Variants in OR9Q1 observed in about 807,000 individuals in gnomAD.
OR9Q1 encodes the protein olfactory receptor family 9 subfamily Q member 1, also known as olfactory receptor 9Q1.
For synonymous variants in OR9Q1, 153 were observed against 148.6 expected (o/e 1.03, Z -0.22); for missense variants, 374 against 378.8 (o/e 0.99, Z 0.11).
chr11:58,118,750 C>T (rs375164622), intron 2 of OR9Q1: 6 of 1,614,042 alleles, frequency 3.7e-6, no homozygotes, highest in Non-Finnish European at 5.1e-6. Context: ...GGCCCTGCCA[C>T]CTGAAGACTT....
intron 2 of OR9Q1, among the ~76,000 whole-genome samples, chr11:58,152,204 G>A (rs186588960): frequency 5.6e-4 from 85 of 152,292 alleles, no homozygotes; most frequent in African/African-American, 2.0e-3. Flanking sequence ...TCAGGGATAG[G>A]TGGGATGAGA....
chr11:58,107,830 A>G (rs1853857273), intron 2 of OR9Q1, among the ~76,000 whole-genome samples: 1 of 152,226 alleles, frequency 6.6e-6, no homozygotes, highest in Non-Finnish European at 1.5e-5. Context: ...GTATTAAATG[A>G]AGCATTATGA....
At chr11:58,073,292 T>C in intron 2 of OR9Q1, 1 of 189,626 alleles carries the variant, frequency 5.3e-6, no homozygotes, top group South Asian at 1.3e-4. Context: ...ATAAATATTA[T>C]GCGAATTCTT....
chr11:58,180,282 G>A lies in OR9Q1; in HGVS notation c.838G>A (p.Val280Ile), dbSNP rs369705885. ...GGTAGTGTCTGTGCTTTACACAGAG[G>A]TCATCCCCATGTTGAATCCCCTCAT... The part of the protein sequence containing the change: ...NRVVSVLYTE[V>I]IPMLNPLIYS... Residue 280 changes from valine to isoleucine, a missense_variant, in exon 3 of 3, where the codon GTC (valine) becomes ATC (isoleucine). Coordinates refer to ENST00000335397, the MANE Select transcript of OR9Q1 (RefSeq NM_001005212.4). 2 of 1,613,864 alleles carry A rather than the reference G, an allele frequency of 1.2e-6. No individual in the cohort carries two copies. Among genetic ancestry groups the A allele is most frequent in the African/African-American group, 1.3e-5 (1 of 75,018 alleles).
intron 2 of OR9Q1, among the ~76,000 whole-genome samples, chr11:58,059,014 A>G (rs1432958248): frequency 6.6e-6 from 1 of 152,138 alleles, no homozygotes; most frequent in Non-Finnish European, 1.5e-5. Context: ...AGGATCCACA[A>G]ATGTTCTCAC....
At chr11:58,087,538 G>A (rs556129665) in intron 2 of OR9Q1, among the ~76,000 whole-genome samples, 48 of 151,930 alleles carry the variant, frequency 3.2e-4, no homozygotes, top group Admixed American at 2.0e-4. Flanking sequence ...TGAAACGAAG[G>A]ATATTCTTCT....
At chr11:58,058,893 G>A (rs1369472703) in intron 2 of OR9Q1, among the ~76,000 whole-genome samples, 1 of 152,142 alleles carries the variant, frequency 6.6e-6, no homozygotes, top group Non-Finnish European at 1.5e-5. Context: ...GGCACTGTGC[G>A]GAGGAAGGAT....
intron 2 of OR9Q1, among the ~76,000 whole-genome samples, chr11:58,123,748 G>T (rs890807262): frequency 6.6e-6 from 1 of 152,136 alleles, no homozygotes; most frequent in Non-Finnish European, 1.5e-5. Flanking sequence ...GCATGAGAAA[G>T]ACCCTTTATG....
At chr11:58,116,299 A>C (rs1242855901) in intron 2 of OR9Q1, among the ~76,000 whole-genome samples, 1 of 152,214 alleles carries the variant, frequency 6.6e-6, no homozygotes, top group African/African-American at 2.4e-5. Context: ...GTGCTATTAC[A>C]ACAATGCTTC....
intron 2 of OR9Q1, among the ~76,000 whole-genome samples, chr11:58,096,405 G>A (rs1428910745): frequency 6.6e-6 from 1 of 152,006 alleles, no homozygotes. Flanking sequence ...ACAGACAACC[G>A]CTATTCTGAC....
chr11:58,031,761 C>T (rs1489289526), intron 1 of OR9Q1: 8 of 1,614,066 alleles, frequency 5.0e-6, no homozygotes, highest in Non-Finnish European at 6.8e-6. Flanking sequence ...AAGGTGACCT[C>T]CTCCATCAAC....
At chr11:58,132,047 T>C (rs559118654) in intron 2 of OR9Q1, among the ~76,000 whole-genome samples, 1 of 152,196 alleles carries the variant, frequency 6.6e-6, no homozygotes, top group Non-Finnish European at 1.5e-5. Flanking sequence ...ATGTATCATC[T>C]TCTTCAACTT....
chr11:58,142,581 A>T (rs1854260976), intron 2 of OR9Q1, among the ~76,000 whole-genome samples: 1 of 152,198 alleles, frequency 6.6e-6, no homozygotes, highest in Non-Finnish European at 1.5e-5. Flanking sequence ...AACATTGATC[A>T]AGGTTTTACT....
At chr11:58,150,602 A>C (rs1854341506) in intron 2 of OR9Q1, among the ~76,000 whole-genome samples, 1 of 152,162 alleles carries the variant, frequency 6.6e-6, no homozygotes, top group African/African-American at 2.4e-5. Flanking sequence ...GGATATTGTA[A>C]ACATCCTAAC....
intron 1 of OR9Q1, among the ~76,000 whole-genome samples, chr11:58,037,841 C>T (rs1198648320): frequency 6.9e-6 from 1 of 144,772 alleles, no homozygotes; most frequent in East Asian, 2.0e-4. Context: ...GCCTCAGCCT[C>T]CCGAGTAGCT....
chr11:58,029,456 C>T (rs919767867), intron 1 of OR9Q1, among the ~76,000 whole-genome samples: 2 of 152,154 alleles, frequency 1.3e-5, no homozygotes, highest in Non-Finnish European at 2.9e-5. Flanking sequence ...AGTCACAGAA[C>T]CCAGATTCAA....
In OR9Q1 at chr11:58,150,259, T is replaced by C. The variant is rs937256936; in HGVS notation, c.-14-29172T>C. The stretch of plus-strand genomic sequence containing the variant: ...GTTCTTATTGGCCACTTATGTATCT[T>C]CTTGGAGAAATGTCTATTCAAGTTC... On this transcript the variant is annotated intron_variant, in intron 2 of 2. Coordinates refer to ENST00000335397, the MANE Select transcript of OR9Q1 (RefSeq NM_001005212.4). Among the ~76,000 whole-genome samples, 12 of 152,308 alleles carry C rather than the reference T, an allele frequency of 7.9e-5. No homozygotes were observed. In the East Asian group the frequency reaches 1.4e-3, roughly 17 times the overall value.
intron 2 of OR9Q1, among the ~76,000 whole-genome samples, chr11:58,110,039 T>C (rs941826652): frequency 5.9e-5 from 9 of 152,336 alleles, no homozygotes; most frequent in African/African-American, 1.9e-4. Flanking sequence ...TGCCTCTATG[T>C]GGCTTCTTAG....
chr11:58,159,270 G>A (rs900550503), intron 2 of OR9Q1, among the ~76,000 whole-genome samples: 2 of 152,176 alleles, frequency 1.3e-5, no homozygotes, highest in African/African-American at 2.4e-5. Context: ...CTGAGACTCA[G>A]ATCACATACC....
Sources: allele counts gnomAD v4.1 joint callset (sites outside exome capture counted in the v4.1 genomes callset), GRCh38; gene constraint gnomAD v4.1.1; transcripts MANE v1.5; gene names NCBI Gene and HGNC (gene_info 2026-07-23, HGNC 2026-07-21).